Variants in CACNB4 observed in about 807,000 individuals in gnomAD.
CACNB4 encodes calcium voltage-gated channel auxiliary subunit beta 4.
CACNB4 carries 32 observed loss-of-function variants against 71.2 expected under a neutral mutation model. That is an observed-to-expected ratio of 0.45 (90% confidence interval 0.34 to 0.60). The LOEUF (loss-of-function observed/expected upper bound fraction) is 0.60. CACNB4 is among the 20% of genes least tolerant of loss of function. The pLI is 0.01. For missense variants in CACNB4, 464 were observed against 647.9 expected (o/e 0.72, Z 3.08); for synonymous variants, 231 against 236.9 (o/e 0.97, Z 0.23).
intron 2 of CACNB4, among the ~76,000 whole-genome samples, chr2:152,095,717 T>A (rs1688228572): frequency 6.6e-6 from 1 of 152,198 alleles, no homozygotes; most frequent in East Asian, 1.9e-4. Context: ...TGTGGAGCAA[T>A]ACTGGCTCAC....
chr2:152,018,382 G>GA (rs996563545), intron 2 of CACNB4, among the ~76,000 whole-genome samples: 3 of 151,676 alleles, frequency 2.0e-5, no homozygotes, highest in East Asian at 1.9e-4. Flanking sequence ...CTACACACCT[G>GA]AAAAAAAGGA....
intron 2 of CACNB4, among the ~76,000 whole-genome samples, chr2:151,943,304 G>C (rs1174220311): frequency 1.3e-5 from 2 of 152,294 alleles, no homozygotes; most frequent in East Asian, 1.9e-4. Flanking sequence ...AGTGCTGCTG[G>C]TTCTGAAATG....
Position 151,834,976 on chromosome 2 carries a change from T to G in CACNB4, c.*4143A>C, listed in dbSNP as rs951839475. The stretch of plus-strand genomic sequence containing the variant: ...AAAAGGAATAAGGGGTACATAGCAT[T>G]TATTTGAAACATTGATATGAAGTTT... On this transcript the variant is annotated 3_prime_UTR_variant, in exon 14 of 14. Coordinates refer to ENST00000539935, the MANE Select transcript of CACNB4 (RefSeq NM_000726.5). 3 of 151,892 alleles carry G rather than the reference T, an allele frequency of 2.0e-5. No homozygotes were observed. Among genetic ancestry groups the G allele is most frequent in the African/African-American group, 4.8e-5 (2 of 41,412 alleles). 9.4% of individuals were successfully genotyped at this position (151,892 alleles called of 1,614,324 possible).
At chr2:151,884,361 C>T (rs1245901363) in intron 2 of CACNB4, among the ~76,000 whole-genome samples, 6 of 149,878 alleles carry the variant, frequency 4.0e-5, no homozygotes, top group Admixed American at 6.7e-5. Context: ...CAGTGGCTCA[C>T]GCCTGTAATC....
intron 2 of CACNB4, among the ~76,000 whole-genome samples, chr2:151,938,117 T>C (rs201111765): frequency 6.6e-6 from 1 of 152,232 alleles, no homozygotes; most frequent in African/African-American, 2.4e-5. Flanking sequence ...TCATGTCCCC[T>C]GAGTCTTTCA....
At chr2:151,895,976 T>C (rs1200009351) in intron 2 of CACNB4, among the ~76,000 whole-genome samples, 1 of 151,978 alleles carries the variant, frequency 6.6e-6, no homozygotes, top group Non-Finnish European at 1.5e-5. Flanking sequence ...TCCCCAGTAG[T>C]TGGAATTATA....
At chr2:152,033,423 C>T (rs1684396411) in intron 2 of CACNB4, among the ~76,000 whole-genome samples, 1 of 152,172 alleles carries the variant, frequency 6.6e-6, no homozygotes, top group Admixed American at 6.5e-5. Flanking sequence ...CTCCAGCAGC[C>T]ACAGTTGCTT....
rs1292730850 is a variant in CACNB4, at chr2:151,835,484, T to C, written c.*3635A>G. ...TCTTCTCTAGAGAAGAGGTAGTAAA[T>C]ATATCAGTACATAGGGTAATTTCTA... On this transcript the variant is annotated 3_prime_UTR_variant, in exon 14 of 14. Transcript: ENST00000539935. 1 of 151,864 alleles carries C rather than the reference T, an allele frequency of 6.6e-6. No individual in the cohort carries two copies. The highest frequency in any genetic ancestry group is 1.9e-4 in the East Asian group (1 of 5,202). 9.4% of individuals were successfully genotyped at this position (151,864 alleles called of 1,614,324 possible).
At chr2:152,075,388 G>T (rs932423021) in intron 2 of CACNB4, among the ~76,000 whole-genome samples, 6 of 152,178 alleles carry the variant, frequency 3.9e-5, no homozygotes, top group Non-Finnish European at 8.8e-5. Context: ...AAAACAATGT[G>T]AGAGTTACTC....
intron 2 of CACNB4, among the ~76,000 whole-genome samples, chr2:151,953,813 T>C (rs925486954): frequency 3.3e-5 from 5 of 152,344 alleles, no homozygotes; most frequent in African/African-American, 1.2e-4. Context: ...CCATAGGTAC[T>C]TGTGAACTTT....
intron 2 of CACNB4, among the ~76,000 whole-genome samples, chr2:151,978,023 G>A (rs1371996549): frequency 6.6e-6 from 1 of 152,202 alleles, no homozygotes; most frequent in Non-Finnish European, 1.5e-5. Flanking sequence ...AAATCTGTGT[G>A]GCATTGCAAG....
chr2:151,906,733 A>G (rs1281569198), intron 2 of CACNB4, among the ~76,000 whole-genome samples: 2 of 152,166 alleles, frequency 1.3e-5, no homozygotes, highest in African/African-American at 4.8e-5. Flanking sequence ...TCTTTTGTCC[A>G]GCTTCATCTC....
rs549894581 is a variant in CACNB4 at position 151,876,297 on chromosome 2, C to A, written c.521+129G>T. ...ACAGAGGATAGAGAACTATCTGAAACTCTTCTGTGTCAGTTTCAGAAACAC... is the reference window on the plus strand; with the variant it reads ...ACAGAGGATAGAGAACTATCTGAAAATCTTCTGTGTCAGTTTCAGAAACAC... On this transcript the variant is annotated intron_variant, in intron 5 of 13. Transcript: ENST00000539935. 20 of 675,154 alleles carry A rather than the reference C, an allele frequency of 3.0e-5. 1 individual carries two copies. In the South Asian group the frequency reaches 5.6e-4, roughly 19 times the overall value. 41.8% of individuals were successfully genotyped at this position (675,154 alleles called of 1,614,324 possible).
At chr2:152,006,060 C>A in intron 2 of CACNB4, among the ~76,000 whole-genome samples, 1 of 152,340 alleles carries the variant, frequency 6.6e-6, no homozygotes, top group East Asian at 1.9e-4. Flanking sequence ...TACCCATAAT[C>A]TTCTAGTGCT....
At chr2:152,073,260 T>C (rs1332767396) in intron 2 of CACNB4, among the ~76,000 whole-genome samples, 1 of 152,104 alleles carries the variant, frequency 6.6e-6, no homozygotes, top group Admixed American at 6.5e-5. Flanking sequence ...TCCAGCATAA[T>C]GATTTCCTTA....
intron 5 of CACNB4, among the ~76,000 whole-genome samples, chr2:151,875,774 C>T (rs868494741): frequency 0.014 from 1,123 of 79,092 alleles, 2 homozygotes; most frequent in African/African-American, 0.031. Context: ...ACCTCCCGGA[C>T]GGGGCGGCTG....
At chr2:151,943,008 C>G (rs1214264079) in intron 2 of CACNB4, among the ~76,000 whole-genome samples, 1 of 152,114 alleles carries the variant, frequency 6.6e-6, no homozygotes, top group Non-Finnish European at 1.5e-5. Flanking sequence ...GTCCTATTCC[C>G]TTAGAAGCAT....
Position 152,098,273 on chromosome 2 carries a change from C to G in CACNB4, c.147+57G>C. Reference sequence around the variant, plus strand: ...TGTGGGCCACGGCCGGCTCCAGGACCCCCGCGCCGCGCGCTCGGCCTCCTC... The same window carrying G: ...TGTGGGCCACGGCCGGCTCCAGGACGCCCGCGCCGCGCGCTCGGCCTCCTC... On this transcript the variant is annotated intron_variant, in intron 2 of 13. Coordinates refer to ENST00000539935, the MANE Select transcript of CACNB4 (RefSeq NM_000726.5). The surrounding 1 kb of genome is among the most constrained non-coding windows in gnomAD (Gnocchi z 5.3). 2 of 1,415,108 alleles carry G rather than the reference C, an allele frequency of 1.4e-6. No homozygotes were observed. The highest frequency in any genetic ancestry group is 1.0e-6 in the Non-Finnish European group (1 of 1,000,500). The allele number at this position is 1,415,108 out of a possible 1,614,324, so 87.7% of individuals were successfully genotyped here.
intron 2 of CACNB4, among the ~76,000 whole-genome samples, chr2:152,090,411 T>C (rs559488243): frequency 2.0e-5 from 3 of 152,306 alleles, no homozygotes; most frequent in South Asian, 4.1e-4. Flanking sequence ...CCCAGCACTT[T>C]GGGAGGCCGA....
Sources: allele counts gnomAD v4.1 joint callset (sites outside exome capture counted in the v4.1 genomes callset), GRCh38; gene constraint gnomAD v4.1.1; non-coding constraint Gnocchi (gnomAD v3.1); transcripts MANE v1.5; gene names NCBI Gene and HGNC (gene_info 2026-07-23, HGNC 2026-07-21).